Variants in UNC13B observed in about 807,000 individuals in gnomAD.
UNC13B encodes unc-13 homolog B, also known as protein unc-13 homolog B.
In UNC13B, 144 loss-of-function variants were observed where a neutral mutation model predicts 211.0. That is an observed-to-expected ratio of 0.68 (90% CI 0.60 to 0.78). UNC13B has a LOEUF of 0.78. UNC13B is among the 30% of genes least tolerant of loss of function. UNC13B has a pLI of 0.00. For synonymous variants in UNC13B, 709 were observed against 725.8 expected (o/e 0.98, Z 0.37); for missense variants, 1,777 against 2,002.0 (o/e 0.89, Z 2.14).
intron 11 of UNC13B, among the ~76,000 whole-genome samples, chr9:35,315,295 C>T (rs769896671): frequency 2.0e-5 from 3 of 152,064 alleles, no homozygotes; most frequent in Non-Finnish European, 4.4e-5. Context: ...TGACAATTGG[C>T]TGTCAGTAGT....
intron 7 of UNC13B, among the ~76,000 whole-genome samples, chr9:35,259,491 A>G (rs1264447241): frequency 6.6e-6 from 1 of 152,152 alleles, no homozygotes; most frequent in African/African-American, 2.4e-5. Flanking sequence ...TTTCTTTGAC[A>G]TGAACACAAA....
At chr9:35,279,797 A>G (rs1249648976) in intron 7 of UNC13B, among the ~76,000 whole-genome samples, 1 of 152,206 alleles carries the variant, frequency 6.6e-6, no homozygotes, top group African/African-American at 2.4e-5. Context: ...CTTACAAAGT[A>G]TGAGAGTGCT....
intron 11 of UNC13B, among the ~76,000 whole-genome samples, chr9:35,339,916 C>A (rs1414878389): frequency 6.6e-6 from 1 of 152,228 alleles, no homozygotes; most frequent in East Asian, 1.9e-4. Context: ...GGGAATCTTT[C>A]CCACTCTTGA....
In UNC13B at chr9:35,243,396, A is replaced by G. The variant is rs763746783; in HGVS notation, c.468+32A>G. 10 of 1,609,176 alleles carry G rather than the reference A, an allele frequency of 6.2e-6. No homozygotes were observed. In the East Asian group the frequency reaches 8.9e-5, roughly 14 times the overall value. ...GCAGCCTTATTTGCAGTATAGAGAGATGGGGGAAAATCTCCAATGCTCTTT... is the reference window on the plus strand; with the variant it reads ...GCAGCCTTATTTGCAGTATAGAGAGGTGGGGGAAAATCTCCAATGCTCTTT... On this transcript the variant is annotated intron_variant, in intron 6 of 39. Transcript: ENST00000635942.
At chr9:35,251,297 C>A (rs1460757271) in intron 6 of UNC13B, among the ~76,000 whole-genome samples, 1 of 151,910 alleles carries the variant, frequency 6.6e-6, no homozygotes, top group Admixed American at 6.6e-5. Context: ...TATTTTAAAA[C>A]CAATCCAGCC....
At chr9:35,358,183 A>G (rs1197989964) in intron 11 of UNC13B, among the ~76,000 whole-genome samples, 1 of 152,214 alleles carries the variant, frequency 6.6e-6, no homozygotes, top group Non-Finnish European at 1.5e-5. Flanking sequence ...GTACACATGT[A>G]TCACATTTTA....
rs779549254 is a variant in UNC13B at position 35,310,499 on chromosome 9, G to A, written c.9041G>A (p.Cys3014Tyr). ...PTSSSRYGSS[C>Y]NVSQGSSQLS... ...AGCAGCAGTAGGTATGGCTCCTCCT[G>A]TAATGTGAGTCAAGGAAGCTCTCAG... Residue 3014 changes from cysteine to tyrosine, a missense_variant, in exon 10 of 40, where the codon TGT (cysteine) becomes TAT (tyrosine). Cys to Tyr is a radical substitution (Grantham distance 194). Coordinates refer to ENST00000635942, the MANE Select transcript of UNC13B (RefSeq NM_001371189.2). The A allele has an allele frequency of 6.2e-7, 1 of 1,614,030 alleles. No homozygotes were observed. Among genetic ancestry groups the A allele is most frequent in the African/African-American group, 1.3e-5 (1 of 75,012 alleles).
chr9:35,361,243 C>A (rs1369105234), intron 11 of UNC13B: 1 of 152,136 alleles, frequency 6.6e-6, no homozygotes, highest in Non-Finnish European at 1.5e-5. Flanking sequence ...GATTTTCCTG[C>A]AAAGCAGTTG....
At chr9:35,320,490 C>T (rs546016228) in intron 11 of UNC13B, among the ~76,000 whole-genome samples, 4 of 152,302 alleles carry the variant, frequency 2.6e-5, no homozygotes, top group African/African-American at 4.8e-5. Context: ...TTTCACTTAT[C>T]TGCTAGGCTC....
rs1047906132 is a variant in UNC13B, at chr9:35,307,093, T to C, written c.7689T>C (p.Thr2563=). 6 of 399,012 alleles carry C rather than the reference T, an allele frequency of 1.5e-5. No individual in the cohort carries two copies. Among genetic ancestry groups the C allele is most frequent in the Non-Finnish European group, 2.7e-5 (6 of 226,040 alleles). 24.7% of individuals were successfully genotyped at this position (399,012 alleles called of 1,614,324 possible). A position where few individuals can be genotyped will look rare whatever the true frequency, so the allele number is the denominator to read the frequency against. The change falls in exon 9 of 40, where the codon ACT becomes ACC. Residue 2563 remains threonine, a synonymous_variant. Coordinates refer to ENST00000635942, the MANE Select transcript of UNC13B (RefSeq NM_001371189.2). ...TTACAGCACTAAGTTCAGAATCTAC[T>C]CTCAGTGACTGTAGAATGACTGTGG... ...AAFTALSSES[T]LSDCRMTVVS... is the part of the protein sequence containing the mutation.
chr9:35,398,695 A>T (rs373969066), intron 32 of UNC13B, 53 bp downstream of exon 32: 2 of 1,600,962 alleles, frequency 1.2e-6, no homozygotes, highest in Non-Finnish European at 1.7e-6. Flanking sequence ...TCCCTAGCCA[A>T]TCCCAGAGCC....
rs1281211297 is a variant in UNC13B at position 35,300,705 on chromosome 9, ATCTG to A, written c.1306_1309del (p.Glu437AlafsTer3). On this transcript the variant is annotated frameshift_variant, in exon 9 of 40. Coordinates refer to ENST00000635942, the MANE Select transcript of UNC13B (RefSeq NM_001371189.2). LOFTEE classifies it high-confidence loss of function. ...AATTGTGATGCAAAAACACTTGGAG[ATCTG>A]TCTGAGTGCTCTATAGAAGAGATAA... is the stretch of plus-strand genomic sequence containing the variant. 1 of 398,856 alleles carries A rather than the reference ATCTG, an allele frequency of 2.5e-6. No individual in the cohort carries two copies. The highest frequency in any genetic ancestry group is 2.1e-5 in the African/African-American group (1 of 48,606). The allele number at this position is 398,856 out of a possible 1,614,324, so 24.7% of individuals were successfully genotyped here.
intron 7 of UNC13B, among the ~76,000 whole-genome samples, chr9:35,272,006 T>G (rs1176155487): frequency 1.3e-5 from 2 of 152,134 alleles, no homozygotes; most frequent in Non-Finnish European, 2.9e-5. Flanking sequence ...AGTGAAAAAT[T>G]ACAAAGAAAG....
chr9:35,172,203 G>A (rs1744793917), intron 1 of UNC13B, among the ~76,000 whole-genome samples: 1 of 150,274 alleles, frequency 6.7e-6, no homozygotes. Context: ...AAATTGATAT[G>A]TCATAGATGT....
Position 35,398,875 on chromosome 9 carries a change from T to C in UNC13B, c.11922-7T>C, listed in dbSNP as rs1257586117. 5.6e-6 allele frequency: 9 copies of C among 1,612,474 alleles called. No individual in the cohort carries two copies. The highest frequency in any genetic ancestry group is 1.3e-5 in the African/African-American group (1 of 74,856). On this transcript the variant is annotated splice_polypyrimidine_tract_variant and splice_region_variant and intron_variant, in intron 32 of 39. Coordinates refer to ENST00000635942, the MANE Select transcript of UNC13B (RefSeq NM_001371189.2). ...AGGGAAAGGCTACACTGCGGGCACA[T>C]GTGTAGTTTCCAGGTACGGATTGAT...
intron 1 of UNC13B, among the ~76,000 whole-genome samples, chr9:35,206,378 A>C (rs192295041): frequency 1.3e-5 from 2 of 151,424 alleles, no homozygotes; most frequent in African/African-American, 4.9e-5. Flanking sequence ...TTAAATAATC[A>C]CTCCCTTTCC....
At chr9:35,336,491 G>C (rs558259165) in intron 11 of UNC13B, among the ~76,000 whole-genome samples, 1 of 152,112 alleles carries the variant, frequency 6.6e-6, no homozygotes. Flanking sequence ...TTTATTTTTT[G>C]TTTTTTATTT....
chr9:35,364,058 T>C (rs949936257), intron 11 of UNC13B, among the ~76,000 whole-genome samples: 3 of 152,154 alleles, frequency 2.0e-5, no homozygotes, highest in Non-Finnish European at 4.4e-5. Context: ...CAAGCCTGCA[T>C]TGCAAAATGG....
chr9:35,357,430 T>C (rs1833097961), intron 11 of UNC13B, among the ~76,000 whole-genome samples: 1 of 152,132 alleles, frequency 6.6e-6, no homozygotes. Flanking sequence ...AGGTTTTTTT[T>C]CGTTTTGTTT....
Sources: gnomAD v4.1 joint callset for allele counts (sites outside exome capture counted in the v4.1 genomes callset) on GRCh38, gnomAD v4.1.1 for gene constraint, MANE v1.5 for transcripts, NCBI Gene and HGNC (gene_info 2026-07-23, HGNC 2026-07-21) for gene names.